ECPAS: variants seen among roughly 807,000 people sequenced by gnomAD.
ECPAS encodes the protein proteasome adapter and scaffold protein ECM29.
Under a neutral mutation model 255.1 loss-of-function variants are expected in ECPAS, and 70 were observed. The observed-to-expected ratio is 0.27, with a 90% CI of 0.23 to 0.33. ECPAS has a LOEUF of 0.33. Among genes scored for constraint, ECPAS ranks in the 10% least tolerant of loss-of-function variants. The pLI is 1.00. For missense variants in ECPAS, 1,817 were observed against 2,206.4 expected, an observed-to-expected ratio of 0.82 and a Z score of 3.54; for synonymous variants, 784 against 775.0, an observed-to-expected ratio of 1.01 and a Z score of -0.19.
intron 49 of ECPAS, among the ~76,000 whole-genome samples, chr9:111,362,926 T>A (rs1163044578): frequency 6.6e-6 from 1 of 152,162 alleles, no homozygotes; most frequent in Non-Finnish European, 1.5e-5. Context: ...AAGAGAGGTG[T>A]TTTAATTGCT....
intron 2 of ECPAS, among the ~76,000 whole-genome samples, chr9:111,460,172 A>C (rs2098271550): frequency 6.6e-6 from 1 of 152,224 alleles, no homozygotes; most frequent in Admixed American, 6.5e-5. Context: ...TTAATATTGA[A>C]AATCAGTGTA....
chr9:111,407,559 T>C, intron 24 of ECPAS, among the ~76,000 whole-genome samples: 1 of 151,838 alleles, frequency 6.6e-6, no homozygotes. Context: ...GTAGATTGTC[T>C]AAAAAAATTC....
At chr9:111,455,872 T>C (rs1168779729) in intron 2 of ECPAS, among the ~76,000 whole-genome samples, 1 of 152,214 alleles carries the variant, frequency 6.6e-6, no homozygotes, top group Non-Finnish European at 1.5e-5. Flanking sequence ...TTCACTCACA[T>C]GACTTTTCCC....
At position 111,459,874 on chromosome 9, in the gene ECPAS, A is replaced by G. The variant is rs138677448; in HGVS notation, c.23-8319T>C. Among the ~76,000 whole-genome samples the G allele has an allele frequency of 6.5e-3, 984 of 152,324 alleles. 6 individuals carry two copies. The highest frequency in any genetic ancestry group is 0.028 in the South Asian group (134 of 4,824). On this transcript the variant is annotated intron_variant, in intron 2 of 49. Transcript: ENST00000684092. ...TGAATTCGCTGGTAAATTCTCCTTC[A>G]TAACTTCTTCCAGAGAAGAGAAAAA...
chr9:111,444,093 C>G (rs545688799), intron 4 of ECPAS, among the ~76,000 whole-genome samples: 21 of 152,266 alleles, frequency 1.4e-4, no homozygotes, highest in Non-Finnish European at 1.5e-5. Context: ...TACCAAAAAT[C>G]AAATCATTCT....
intron 24 of ECPAS, among the ~76,000 whole-genome samples, chr9:111,406,970 C>T (rs754166122): frequency 6.7e-5 from 10 of 149,314 alleles, no homozygotes; most frequent in Non-Finnish European, 1.3e-4. Flanking sequence ...ATTCTGCTTC[C>T]GTTTCATGCT....
intron 24 of ECPAS, among the ~76,000 whole-genome samples, chr9:111,408,134 G>A (rs1037513356): frequency 6.6e-6 from 1 of 152,204 alleles, no homozygotes; most frequent in Non-Finnish European, 1.5e-5. Flanking sequence ...GCCATGCTGA[G>A]ATACTTAGTA....
intron 34 of ECPAS, among the ~76,000 whole-genome samples, chr9:111,384,021 T>C (rs927214474): frequency 1.3e-5 from 2 of 152,048 alleles, no homozygotes; most frequent in Admixed American, 1.3e-4. Context: ...CAGCACAATA[T>C]AGTGGTCAAG....
chr9:111,390,937 C>CT (rs1190410641), intron 29 of ECPAS, among the ~76,000 whole-genome samples: 1 of 152,222 alleles, frequency 6.6e-6, no homozygotes, highest in East Asian at 1.9e-4. Flanking sequence ...ACTCAGCTGC[C>CT]TGAGAGCTGA....
rs1330363621 is a variant in ECPAS at position 111,484,202 on chromosome 9, G to A, written c.-169C>T. 6.8e-7 allele frequency: 1 copy of A among 1,474,012 alleles called. No homozygotes were observed. The highest frequency in any genetic ancestry group is 9.0e-7 in the Non-Finnish European group (1 of 1,116,172). The allele number at this position is 1,474,012 out of a possible 1,614,324, so 91.3% of individuals were successfully genotyped here. A position where few individuals can be genotyped will look rare whatever the true frequency, so the allele number is the denominator to read the frequency against. Reference sequence around the variant, plus strand: ...TAGAGCGAGGCGTTCGGCGGGCCGGGCCCCGGGGAGCCGCGCGCCGCAGTC... The same window carrying A: ...TAGAGCGAGGCGTTCGGCGGGCCGGACCCCGGGGAGCCGCGCGCCGCAGTC... On this transcript the variant is annotated 5_prime_UTR_variant, in exon 1 of 50. Transcript: ENST00000684092.
chr9:111,444,272 T>G (rs1589210092), intron 4 of ECPAS, 106 bp downstream of exon 4: 10 of 650,158 alleles, frequency 1.5e-5, no homozygotes, highest in Non-Finnish European at 2.6e-6. Context: ...CATTTAGAAG[T>G]GGTCTAAGGT....
intron 2 of ECPAS, among the ~76,000 whole-genome samples, chr9:111,470,960 G>T (rs1247922758): frequency 6.6e-6 from 1 of 152,086 alleles, no homozygotes; most frequent in Non-Finnish European, 1.5e-5. Context: ...GGTTTTAGGA[G>T]GTGACAAGCA....
At position 111,464,461 on chromosome 9, in the gene ECPAS, G is replaced by C. The variant is rs1589230025; in HGVS notation, c.22+8436C>G. On this transcript the variant is annotated intron_variant, in intron 2 of 49. Transcript: ENST00000684092. Reference sequence around the variant, plus strand: ...AAAAAAAAAAAAAAGAACTCTCCCAGGAAGAGACAAGCACAAGGACACATG... The same window carrying C: ...AAAAAAAAAAAAAAGAACTCTCCCACGAAGAGACAAGCACAAGGACACATG... Among the ~76,000 whole-genome samples, 2 of 150,524 alleles carry C rather than the reference G, an allele frequency of 1.3e-5. 1 individual carries two copies. The highest frequency in any genetic ancestry group is 4.2e-4 in the South Asian group (2 of 4,800).
At chr9:111,408,829 G>GT (rs1227318270) in intron 23 of ECPAS, among the ~76,000 whole-genome samples, 157 bp from the exon 24 acceptor site, 2 of 152,180 alleles carry the variant, frequency 1.3e-5, no homozygotes, top group African/African-American at 2.4e-5. Context: ...TCGTATGTCT[G>GT]TAAGTCATTG....
Position 111,433,311 on chromosome 9 carries a change from A to C in ECPAS, c.770T>G (p.Leu257Arg), listed in dbSNP as rs1157745914. The C allele has an allele frequency of 1.9e-6, 3 of 1,614,012 alleles. No homozygotes were observed. Among genetic ancestry groups the C allele is most frequent in the Non-Finnish European group, 2.5e-6 (3 of 1,179,856 alleles). ...AEQVPELEAV[L>R]HLVIASSDTR... ...ATCACTAGAGGCAATCACCAAGTGG[A>C]GAACAGCTTCAAGTTCAGGCACCTG... Residue 257 changes from leucine (L) to arginine (R), a missense_variant, in exon 8 of 50, where the codon CTC becomes CGC. Coordinates refer to ENST00000684092, the MANE Select transcript of ECPAS (RefSeq NM_001364929.1).
Position 111,383,191 on chromosome 9 carries a change from T to C in ECPAS, c.3803+20A>G, listed in dbSNP as rs369596276. The C allele has an allele frequency of 1.7e-5, 27 of 1,612,144 alleles. No individual in the cohort carries two copies. In the African/African-American group the frequency reaches 2.7e-4, roughly 16 times the overall value. On this transcript the variant is annotated intron_variant, in intron 35 of 49. Transcript: ENST00000684092. Reference sequence around the variant, plus strand: ...GAACTGAGCAAATCCAATACATTCATTTCATCAACGGATGCACACCTGAGG... The same window carrying C: ...GAACTGAGCAAATCCAATACATTCACTTCATCAACGGATGCACACCTGAGG...
At chr9:111,481,491 G>A (rs961601072) in intron 1 of ECPAS, among the ~76,000 whole-genome samples, 1 of 152,052 alleles carries the variant, frequency 6.6e-6, no homozygotes, top group Non-Finnish European at 1.5e-5. Context: ...GGGCGACAGA[G>A]CAAGACTTGG....
chr9:111,365,728 C>T (rs773149469), intron 48 of ECPAS: 7 of 152,652 alleles, frequency 4.6e-5, no homozygotes, highest in Middle Eastern at 3.4e-3. Flanking sequence ...AGAATATGAA[C>T]GATAAACATT....
At chr9:111,409,544 G>A (rs1282139999) in intron 23 of ECPAS, among the ~76,000 whole-genome samples, 1 of 150,558 alleles carries the variant, frequency 6.6e-6, no homozygotes, top group East Asian at 1.9e-4. Flanking sequence ...AGCTTGAGCA[G>A]CAAGAGCAAA....
Sources: gnomAD v4.1 joint callset for allele counts (sites outside exome capture counted in the v4.1 genomes callset) on GRCh38, gnomAD v4.1.1 for gene constraint, MANE v1.5 for transcripts, NCBI Gene and HGNC (gene_info 2026-07-23, HGNC 2026-07-21) for gene names.